The following ULK4 variants were observed in gnomAD, a reference collection of about 807,000 sequenced individuals.
ULK4 encodes the protein inactive serine/threonine-protein kinase ULK4.
A neutral mutation model predicts 160.6 loss-of-function variants in ULK4; 133 were observed. That is an observed-to-expected ratio of 0.83 (90% CI 0.72 to 0.96). The LOEUF (loss-of-function observed/expected upper bound fraction) is 0.96, where lower values mean the gene tolerates loss of function less well. ULK4 is among the 40% of genes least tolerant of loss of function. The probability of loss-of-function intolerance (pLI) is 0.00; values close to 1 mark genes in which losing one functional copy is unlikely to be tolerated. For missense variants in ULK4, 1,580 were observed against 1,499.5 expected, an observed-to-expected ratio of 1.05 and a Z score of -0.89; for synonymous variants, 534 against 539.8, an observed-to-expected ratio of 0.99 and a Z score of 0.15.
intron 31 of ULK4, among the ~76,000 whole-genome samples, chr3:41,580,276 A>G (rs2030186574): frequency 6.6e-6 from 1 of 152,030 alleles, no homozygotes; most frequent in South Asian, 2.1e-4. Context: ...ACATCCATAC[A>G]TCATTCTGCA....
At chr3:41,491,410 C>A (rs1212846049) in intron 32 of ULK4, among the ~76,000 whole-genome samples, 3 of 151,874 alleles carry the variant, frequency 2.0e-5, no homozygotes, top group Non-Finnish European at 4.4e-5. Context: ...AAATATGTAA[C>A]AATACTACAA....
intron 29 of ULK4, among the ~76,000 whole-genome samples, chr3:41,680,893 T>G (rs964915978): frequency 6.6e-6 from 1 of 152,220 alleles, no homozygotes; most frequent in Admixed American, 6.5e-5. Flanking sequence ...TTTGATAAAA[T>G]TGACAGTGTC....
chr3:41,387,962 A>G (rs2081861109), intron 35 of ULK4, among the ~76,000 whole-genome samples: 1 of 152,170 alleles, frequency 6.6e-6, no homozygotes, highest in African/African-American at 2.4e-5. Flanking sequence ...GACTTCCACA[A>G]TGGTTGAACT....
At chr3:41,265,659 T>G (rs1167853223) in intron 35 of ULK4, among the ~76,000 whole-genome samples, 4 of 152,120 alleles carry the variant, frequency 2.6e-5, no homozygotes, top group Non-Finnish European at 5.9e-5. Context: ...AAATACCGAC[T>G]CCATTTGGAA....
At chr3:41,634,552 G>A (rs766443440) in intron 30 of ULK4, among the ~76,000 whole-genome samples, 14 of 152,290 alleles carry the variant, frequency 9.2e-5, no homozygotes, top group Non-Finnish European at 1.5e-4. Flanking sequence ...AGAGAATAGC[G>A]TGTGGGTCAC....
At chr3:41,813,206 A>G (rs2125622514) in intron 19 of ULK4, among the ~76,000 whole-genome samples, 1 of 152,280 alleles carries the variant, frequency 6.6e-6, no homozygotes, top group Non-Finnish European at 1.5e-5. Flanking sequence ...GCTGGGTTTA[A>G]TACTTAGGTG....
chr3:41,609,330 A>G (rs2032548801), intron 31 of ULK4, among the ~76,000 whole-genome samples: 1 of 152,226 alleles, frequency 6.6e-6, no homozygotes, highest in South Asian at 2.1e-4. Flanking sequence ...TTCAGTTGTC[A>G]CATGAGCAAC....
rs544968699 is a variant in ULK4, at chr3:41,554,826, T to C, written c.3226+11199A>G. The stretch of plus-strand genomic sequence containing the variant: ...GGTACCCTATAAATGTGTACAAATA[T>C]TATGCATCAATAAAAATACATTTTA... On this transcript the variant is annotated intron_variant, in intron 32 of 36. Transcript: ENST00000301831. 7.2e-5 allele frequency among the ~76,000 whole-genome samples: 11 copies of C among 152,180 alleles called. No homozygotes were observed. The South Asian group carries it at 2.3e-3, about 32-fold the overall frequency.
intron 35 of ULK4, among the ~76,000 whole-genome samples, chr3:41,352,731 C>T (rs1412583844): frequency 3.3e-5 from 5 of 152,128 alleles, no homozygotes; most frequent in African/African-American, 9.7e-5. Flanking sequence ...AACTTCTTCC[C>T]TTGGACTACG....
At position 41,445,685 on chromosome 3, in the gene ULK4, A is replaced by C. The variant is rs554660191; in HGVS notation, c.3492+9812T>G. Reference sequence around the variant, plus strand: ...TGGCTAGCCATATGGAGAAAGCTGAAACTGGATCCCTTCCTTACACCTTAC... The same window carrying C: ...TGGCTAGCCATATGGAGAAAGCTGACACTGGATCCCTTCCTTACACCTTAC... On this transcript the variant is annotated intron_variant, in intron 34 of 36. Coordinates refer to ENST00000301831, the MANE Select transcript of ULK4 (RefSeq NM_017886.4). Among the ~76,000 whole-genome samples the C allele has an allele frequency of 9.8e-5, 15 of 152,340 alleles. No individual in the cohort carries two copies. In the South Asian group the frequency reaches 1.0e-3, roughly 11 times the overall value.
At chr3:41,667,818 T>C (rs1227127750) in intron 29 of ULK4, among the ~76,000 whole-genome samples, 1 of 152,146 alleles carries the variant, frequency 6.6e-6, no homozygotes, top group African/African-American at 2.4e-5. Flanking sequence ...TTCAGATCCA[T>C]TCCAAAGAAG....
chr3:41,864,310 G>A (rs1351385072), intron 17 of ULK4, among the ~76,000 whole-genome samples: 1 of 151,788 alleles, frequency 6.6e-6, no homozygotes, highest in Non-Finnish European at 1.5e-5. Flanking sequence ...GCTGCTGCTA[G>A]GGCGGGGATC....
At chr3:41,719,370 G>A (rs560832708) in intron 22 of ULK4, among the ~76,000 whole-genome samples, 8 of 152,082 alleles carry the variant, frequency 5.3e-5, no homozygotes, top group East Asian at 1.9e-4. Flanking sequence ...GCTCAAATAC[G>A]GTATCTAAGT....
At chr3:41,467,832 G>A (rs1241250283) in intron 32 of ULK4, among the ~76,000 whole-genome samples, 1 of 152,162 alleles carries the variant, frequency 6.6e-6, no homozygotes, top group Non-Finnish European at 1.5e-5. Context: ...ACTTTCTAGG[G>A]TGACAGAAAT....
intron 34 of ULK4, among the ~76,000 whole-genome samples, chr3:41,401,646 T>A (rs1351710571): frequency 6.6e-6 from 1 of 152,214 alleles, no homozygotes; most frequent in Non-Finnish European, 1.5e-5. Flanking sequence ...GGCAGTCTTC[T>A]GCGTAGGTTC....
chr3:41,696,845 G>A (rs553352709), intron 27 of ULK4, among the ~76,000 whole-genome samples: 1 of 152,300 alleles, frequency 6.6e-6, no homozygotes, highest in South Asian at 2.1e-4. Flanking sequence ...CAGAGAAGAT[G>A]TAACAATAAA....
chr3:41,449,637 CAGA>C (rs1402946054), intron 34 of ULK4, among the ~76,000 whole-genome samples: 1 of 151,942 alleles, frequency 6.6e-6, no homozygotes, highest in African/African-American at 2.4e-5. Flanking sequence ...CAGCAGGAAA[CAGA>C]AGGAGAACAG....
At chr3:41,438,030 C>T (rs9881252) in intron 34 of ULK4, among the ~76,000 whole-genome samples, 39,822 of 150,800 alleles carry the variant, frequency 0.26, 5,708 homozygotes, top group African/African-American at 0.37. Flanking sequence ...AAGTCAGGAC[C>T]CTAGTTCATT....
intron 16 of ULK4, among the ~76,000 whole-genome samples, chr3:41,892,577 AG>A (rs1698005264): frequency 6.6e-6 from 1 of 152,254 alleles, no homozygotes; most frequent in Non-Finnish European, 1.5e-5. Context: ...AAATGAAACC[AG>A]CCCAATTGTC....
Sources: gnomAD v4.1 joint callset for allele counts (sites outside exome capture counted in the v4.1 genomes callset) on GRCh38, gnomAD v4.1.1 for gene constraint, MANE v1.5 for transcripts, NCBI Gene and HGNC (gene_info 2026-07-23, HGNC 2026-07-21) for gene names.